The following KIF3A variants were observed in gnomAD, a reference collection of about 807,000 sequenced individuals.
The protein encoded by KIF3A is kinesin-like protein KIF3A.
KIF3A carries 27 observed loss-of-function variants against 92.6 expected under a neutral mutation model. The ratio of observed to expected loss-of-function variants is 0.29; its 90% confidence interval spans 0.21 to 0.40. KIF3A has a LOEUF of 0.40. KIF3A is among the 10% of genes least tolerant of loss of function. The probability of loss-of-function intolerance (pLI) is 1.00; values close to 1 mark genes in which losing one functional copy is unlikely to be tolerated. For missense variants in KIF3A, 581 were observed against 872.6 expected (o/e 0.67, Z 4.21); for synonymous variants, 250 against 275.4 (o/e 0.91, Z 0.92).
chr5:132,717,038 ATAAT>A (rs1004105274), intron 5 of KIF3A, 54 bp from the exon 6 acceptor site: 140 of 1,536,374 alleles, frequency 9.1e-5, no homozygotes, highest in South Asian at 8.7e-4. Flanking sequence ...GCCTTTAAAA[ATAAT>A]TAAACATCCT....
chr5:132,730,559 G>A (rs1754194295), intron 2 of KIF3A, among the ~76,000 whole-genome samples: 1 of 152,176 alleles, frequency 6.6e-6, no homozygotes, highest in Non-Finnish European at 1.5e-5. Flanking sequence ...GGCTGAGGTG[G>A]GAGGACTGGT....
chr5:132,700,816 A>AC, intron 15 of KIF3A, 116 bp from the exon 16 acceptor site: 1 of 634,062 alleles, frequency 1.6e-6, no homozygotes. Context: ...AACATTATAT[A>AC]CTGATATAAC....
chr5:132,721,176 G>C (rs527788983), intron 4 of KIF3A, among the ~76,000 whole-genome samples: 8 of 152,154 alleles, frequency 5.3e-5, no homozygotes, highest in Non-Finnish European at 8.8e-5. Context: ...TGAGATATCT[G>C]GTTATATAGG....
intron 8 of KIF3A, among the ~76,000 whole-genome samples, chr5:132,713,721 C>T (rs1753511185): frequency 6.6e-6 from 1 of 152,084 alleles, no homozygotes; most frequent in African/African-American, 2.4e-5. Flanking sequence ...AAAGAACCAA[C>T]TGTCCATTGG....
rs879312509 is a variant in KIF3A, at chr5:132,693,033, A to G, written c.*3601T>C. The G allele has an allele frequency of 2.6e-5, 4 of 152,616 alleles. No homozygotes were observed. The highest frequency in any genetic ancestry group is 4.8e-5 in the African/African-American group (2 of 41,456). The allele number at this position is 152,616 out of a possible 1,614,324, so 9.5% of individuals were successfully genotyped here. A position where few individuals can be genotyped will look rare whatever the true frequency, so the allele number is the denominator to read the frequency against. Reference sequence around the variant, plus strand: ...AGACTTTCCTTAAGAGTTAAGGGGAAGGATATTAAAAACAGACTAAAAGGA... The same window carrying G: ...AGACTTTCCTTAAGAGTTAAGGGGAGGGATATTAAAAACAGACTAAAAGGA... On this transcript the variant is annotated 3_prime_UTR_variant, in exon 19 of 19. Coordinates refer to ENST00000403231, the MANE Select transcript of KIF3A (RefSeq NM_001300791.2).
chr5:132,709,254 CA>C (rs1350521894), intron 9 of KIF3A, among the ~76,000 whole-genome samples: 1 of 152,046 alleles, frequency 6.6e-6, no homozygotes, highest in Non-Finnish European at 1.5e-5. Flanking sequence ...CCTAATCATT[CA>C]AAGGGTTGAA....
In KIF3A at chr5:132,702,072, G is replaced by A. The variant is rs765120818; in HGVS notation, c.1884+15C>T. 12 of 1,603,310 alleles carry A rather than the reference G, an allele frequency of 7.5e-6. No homozygotes were observed. Among genetic ancestry groups the A allele is most frequent in the East Asian group, 2.2e-5 (1 of 44,792 alleles). Reference sequence around the variant, plus strand: ...CAGTCAAGCGACTATCTCGGTCAGAGAACTTCCTTTTTACCTGATAATCCC... The same window carrying A: ...CAGTCAAGCGACTATCTCGGTCAGAAAACTTCCTTTTTACCTGATAATCCC... On this transcript the variant is annotated intron_variant, in intron 15 of 18. Coordinates refer to ENST00000403231, the MANE Select transcript of KIF3A (RefSeq NM_001300791.2).
At chr5:132,721,485 A>G (rs1263556844) in intron 4 of KIF3A, 1 of 152,196 alleles carries the variant, frequency 6.6e-6, no homozygotes, top group Admixed American at 6.5e-5. Flanking sequence ...CAGTGGGAAA[A>G]GCCATTCCAC....
chr5:132,714,010 C>G (rs997526637), intron 8 of KIF3A, among the ~76,000 whole-genome samples: 64 of 149,914 alleles, frequency 4.3e-4, no homozygotes, highest in African/African-American at 1.5e-3. Context: ...GATCCTCCTG[C>G]CTCAGCCTCC....
intron 8 of KIF3A, among the ~76,000 whole-genome samples, chr5:132,712,882 G>A (rs766395931): frequency 4.6e-5 from 7 of 152,170 alleles, no homozygotes; most frequent in Admixed American, 6.5e-5. Flanking sequence ...TGACATGGCC[G>A]GGCATGGTGG....
chr5:132,700,438 T>G (rs1752993373), intron 16 of KIF3A, 154 bp from the exon 17 acceptor site: 5 of 654,788 alleles, frequency 7.6e-6, no homozygotes, highest in East Asian at 2.7e-5. Context: ...TAGTCCCACA[T>G]AGCCCCTAAC....
intron 5 of KIF3A, among the ~76,000 whole-genome samples, chr5:132,719,968 G>A (rs1271834882): frequency 2.0e-5 from 3 of 152,148 alleles, no homozygotes; most frequent in African/African-American, 7.2e-5. Flanking sequence ...GCATTACAGT[G>A]CCTAGTTAAT....
At chr5:132,726,533 A>C (rs1227074618) in intron 2 of KIF3A, 35 bp from the exon 3 acceptor site, 1 of 1,581,198 alleles carries the variant, frequency 6.3e-7, no homozygotes, top group Admixed American at 1.7e-5. Flanking sequence ...TACTTCTTAA[A>C]GTCTAATGCT....
chr5:132,725,421 A>G (rs1161621151), intron 4 of KIF3A, among the ~76,000 whole-genome samples: 2 of 152,170 alleles, frequency 1.3e-5, no homozygotes, highest in Non-Finnish European at 2.9e-5. Flanking sequence ...TAATCCTACG[A>G]AGTGGATACC....
chr5:132,689,757 G>C (rs1752619439), downstream of KIF3A: 1 of 152,244 alleles, frequency 6.6e-6, no homozygotes, highest in Admixed American at 6.5e-5. Flanking sequence ...AGGGGCAAAG[G>C]GGGAAAAGGC....
intron 12 of KIF3A, 94 bp from the exon 13 acceptor site, chr5:132,703,159 C>T: frequency 9.4e-7 from 1 of 1,063,954 alleles, no homozygotes. Flanking sequence ...TATACAATTT[C>T]AAAATAGAAA....
At chr5:132,697,979 A>G (rs1273315611) in intron 18 of KIF3A, 3 of 152,206 alleles carry the variant, frequency 2.0e-5, no homozygotes, top group Non-Finnish European at 4.4e-5. Context: ...GTTTCTTAGA[A>G]CTGATTTGCT....
chr5:132,724,806 A>AAAAT (rs59476182), intron 4 of KIF3A, among the ~76,000 whole-genome samples: 10 of 22,688 alleles, frequency 4.4e-4, no homozygotes, highest in East Asian at 1.7e-3. Flanking sequence ...AAAAAAAAAA[A>AAAAT]ATATATATAT....
chr5:132,719,555 G>A (rs368635506), intron 5 of KIF3A, among the ~76,000 whole-genome samples: 4 of 150,900 alleles, frequency 2.7e-5, no homozygotes, highest in Non-Finnish European at 4.4e-5. Context: ...GCAGTGGCGC[G>A]ATCTCGGCTC....
Sources: gnomAD v4.1 joint callset for allele counts (sites outside exome capture counted in the v4.1 genomes callset) on GRCh38, gnomAD v4.1.1 for gene constraint, MANE v1.5 for transcripts, NCBI Gene and HGNC (gene_info 2026-07-23, HGNC 2026-07-21) for gene names.